The following PIP4K2A variants were observed in gnomAD, a reference collection of about 807,000 sequenced individuals.
PIP4K2A encodes phosphatidylinositol 5-phosphate 4-kinase type-2 alpha.
In PIP4K2A, 14 loss-of-function variants were observed where a neutral mutation model predicts 42.9. The observed-to-expected ratio is 0.33, with a 90% CI of 0.22 to 0.51. PIP4K2A has a LOEUF of 0.51. Ranked by LOEUF, PIP4K2A falls within the 20% of genes least tolerant of loss-of-function variation. PIP4K2A has a pLI of 0.97. For synonymous variants in PIP4K2A, 192 were observed against 192.2 expected, an observed-to-expected ratio of 1.00 and a Z score of 0.01; for missense variants, 434 against 519.8, an observed-to-expected ratio of 0.83 and a Z score of 1.61.
chr10:22,568,931 G>T (rs1200685646), intron 5 of PIP4K2A: 2 of 1,107,266 alleles, frequency 1.8e-6, no homozygotes, highest in Non-Finnish European at 2.6e-6. Flanking sequence ...GGTCAGCCAA[G>T]CCACTTGCTT....
At chr10:22,538,570 G>A (rs1835999897) in intron 9 of PIP4K2A, among the ~76,000 whole-genome samples, 1 of 152,188 alleles carries the variant, frequency 6.6e-6, no homozygotes, top group African/African-American at 2.4e-5. Context: ...AGGGTCAAAC[G>A]AGGATTCCTC....
chr10:22,607,569 A>C (rs1837932353), intron 3 of PIP4K2A, among the ~76,000 whole-genome samples: 1 of 152,144 alleles, frequency 6.6e-6, no homozygotes, highest in South Asian at 2.1e-4. Flanking sequence ...GATACAAAAC[A>C]TGCACACTCA....
chr10:22,589,057 T>C (rs969612899), intron 4 of PIP4K2A, among the ~76,000 whole-genome samples: 7 of 152,226 alleles, frequency 4.6e-5, no homozygotes, highest in African/African-American at 1.7e-4. Context: ...CAAATCGTGA[T>C]TTTTGTAAAG....
intron 1 of PIP4K2A, among the ~76,000 whole-genome samples, chr10:22,651,116 G>A (rs912549152): frequency 7.9e-5 from 12 of 152,266 alleles, no homozygotes; most frequent in South Asian, 4.1e-4. Flanking sequence ...AATTATGCCA[G>A]AAAACCATGC....
intron 1 of PIP4K2A, among the ~76,000 whole-genome samples, chr10:22,683,835 T>TCACACACACA (rs138327782): frequency 1.3e-3 from 180 of 139,390 alleles, no homozygotes; most frequent in African/African-American, 4.2e-3. Context: ...ACCAAGCAGT[T>TCACACACACA]CACACACACA....
chr10:22,582,949 TAACAA>T (rs1837312867), intron 4 of PIP4K2A, among the ~76,000 whole-genome samples: 2 of 133,230 alleles, frequency 1.5e-5, no homozygotes, highest in African/African-American at 2.8e-5. Context: ...ATAACAAATA[TAACAA>T]AACAAATGAA....
chr10:22,549,542 A>G (rs760621514), intron 7 of PIP4K2A, among the ~76,000 whole-genome samples: 15 of 152,146 alleles, frequency 9.9e-5, no homozygotes, highest in Non-Finnish European at 1.5e-4. Flanking sequence ...ACGAAGTCCA[A>G]GAAAATAACC....
chr10:22,612,249 G>A (rs1468582336), intron 1 of PIP4K2A, among the ~76,000 whole-genome samples: 1 of 152,236 alleles, frequency 6.6e-6, no homozygotes, highest in African/African-American at 2.4e-5. Flanking sequence ...CAGAGGGGCA[G>A]ACACATTAAC....
chr10:22,710,402 G>A (rs945150294), intron 1 of PIP4K2A, among the ~76,000 whole-genome samples: 1 of 152,348 alleles, frequency 6.6e-6, no homozygotes, highest in South Asian at 2.1e-4. Context: ...TAGTCCAAGG[G>A]ACGGCCACAA....
At chr10:22,687,390 G>A (rs1197809394) in intron 1 of PIP4K2A, among the ~76,000 whole-genome samples, 1 of 152,048 alleles carries the variant, frequency 6.6e-6, no homozygotes, top group Non-Finnish European at 1.5e-5. Flanking sequence ...ATGAAGAGAT[G>A]GAGGTCAAAA....
chr10:22,569,606 G>T (rs927639744), intron 5 of PIP4K2A, among the ~76,000 whole-genome samples: 1 of 152,140 alleles, frequency 6.6e-6, no homozygotes, highest in Non-Finnish European at 1.5e-5. Context: ...GGAACAGGAA[G>T]AAACTATTCT....
intron 1 of PIP4K2A, among the ~76,000 whole-genome samples, chr10:22,693,386 A>T (rs539229481): frequency 2.0e-5 from 3 of 152,268 alleles, no homozygotes; most frequent in East Asian, 3.9e-4. Context: ...TTTCACCATC[A>T]TCACTAAAAA....
intron 6 of PIP4K2A, among the ~76,000 whole-genome samples, chr10:22,559,915 T>G (rs1329015667): frequency 6.6e-6 from 1 of 152,160 alleles, no homozygotes; most frequent in Non-Finnish European, 1.5e-5. Context: ...TGCAGCCCTG[T>G]GCCCCCAGGG....
chr10:22,536,725 A>AAAAACAAAAAAAACAAAAC lies in PIP4K2A; in HGVS notation c.*475_*476insGTTTTGTTTTTTTTGTTTT, dbSNP rs1554791613. ...ACATCTTTCAACTCCAAAAAAAAAAAAAAAAAAAAAAAACTGATCCACAGT... is the reference window on the plus strand; with the variant it reads ...ACATCTTTCAACTCCAAAAAAAAAAAAAAACAAAAAAAACAAAACAAAAAAAAAAAAACTGATCCACAGT... On this transcript the variant is annotated 3_prime_UTR_variant, in exon 10 of 10. Coordinates refer to ENST00000376573, the MANE Select transcript of PIP4K2A (RefSeq NM_005028.5). 2.4e-5 allele frequency: 3 copies of AAAAACAAAAAAAACAAAAC among 124,102 alleles called. No individual in the cohort carries two copies. In the South Asian group the frequency reaches 8.1e-4, roughly 33 times the overall value. 7.7% of individuals were successfully genotyped at this position (124,102 alleles called of 1,614,324 possible).
At chr10:22,555,211 A>T (rs1247545088) in intron 6 of PIP4K2A, among the ~76,000 whole-genome samples, 1 of 152,116 alleles carries the variant, frequency 6.6e-6, no homozygotes, top group Non-Finnish European at 1.5e-5. Flanking sequence ...GGTTATGTGA[A>T]CACACTAGAT....
chr10:22,692,635 G>C (rs1415165844), intron 1 of PIP4K2A, among the ~76,000 whole-genome samples: 32 of 152,258 alleles, frequency 2.1e-4, no homozygotes, highest in Non-Finnish European at 1.5e-5. Flanking sequence ...CTTAGAATTT[G>C]GGGCTTCAAT....
intron 6 of PIP4K2A, among the ~76,000 whole-genome samples, chr10:22,559,956 G>T (rs2182457): frequency 6.6e-6 from 1 of 152,046 alleles, no homozygotes; most frequent in Non-Finnish European, 1.5e-5. Flanking sequence ...CCCTCTGTTT[G>T]GAGTCCTTCA....
chr10:22,655,958 C>T (rs1839092071), intron 1 of PIP4K2A, among the ~76,000 whole-genome samples: 1 of 152,058 alleles, frequency 6.6e-6, no homozygotes, highest in African/African-American at 2.4e-5. Flanking sequence ...AATTCCAACT[C>T]CAGGCATTCC....
At chr10:22,714,142 A>G (rs756491552) in intron 1 of PIP4K2A, 41 bp downstream of exon 1, 254 of 1,562,410 alleles carry the variant, frequency 1.6e-4, no homozygotes, top group Middle Eastern at 1.7e-4. Flanking sequence ...GAGGAAGAGG[A>G]GGAGGAGGAA....
Sources: allele counts gnomAD v4.1 joint callset (sites outside exome capture counted in the v4.1 genomes callset), GRCh38; gene constraint gnomAD v4.1.1; transcripts MANE v1.5; gene names NCBI Gene and HGNC (gene_info 2026-07-23, HGNC 2026-07-21).